KALRN: variants seen among roughly 807,000 people sequenced by gnomAD.
KALRN encodes kalirin.
Under a neutral mutation model 353.7 loss-of-function variants are expected in KALRN, and 70 were observed. The ratio of observed to expected loss-of-function variants is 0.20; its 90% CI spans 0.16 to 0.24. KALRN has a LOEUF of 0.24. KALRN is among the 10% of genes least tolerant of loss of function. The pLI is 1.00. For missense variants in KALRN, 2,791 were observed against 3,756.7 expected, an observed-to-expected ratio of 0.74 and a Z score of 6.72; for synonymous variants, 1,391 against 1,434.8, an observed-to-expected ratio of 0.97 and a Z score of 0.69.
chr3:124,352,110 T>C (rs1252271396), intron 10 of KALRN, among the ~76,000 whole-genome samples: 2 of 152,206 alleles, frequency 1.3e-5, no homozygotes, highest in Non-Finnish European at 2.9e-5. Flanking sequence ...ACTAATGGAC[T>C]CAGTTTGCCT....
intron 5 of KALRN, among the ~76,000 whole-genome samples, chr3:124,286,078 C>CCTTTCTTTCTTTCTTT (rs1553893855): frequency 9.3e-6 from 1 of 107,014 alleles, no homozygotes; most frequent in South Asian, 3.3e-4. Flanking sequence ...TTCTTTCTTT[C>CCTTTCTTTCTTTCTTT]CTTCCTTTCT....
chr3:124,424,160 G>T (rs1393128591), intron 15 of KALRN, among the ~76,000 whole-genome samples: 1 of 152,090 alleles, frequency 6.6e-6, no homozygotes, highest in Non-Finnish European at 1.5e-5. Context: ...GTCCCGGGGG[G>T]GTTCCCAGCA....
intron 27 of KALRN, among the ~76,000 whole-genome samples, chr3:124,480,080 C>A (rs1405191413): frequency 6.6e-6 from 1 of 152,174 alleles, no homozygotes; most frequent in Non-Finnish European, 1.5e-5. Flanking sequence ...CTTGGTTTGA[C>A]TGATGTAGGC....
chr3:124,531,374 CA>C (rs1303332386), intron 33 of KALRN, among the ~76,000 whole-genome samples: 6 of 152,184 alleles, frequency 3.9e-5, no homozygotes, highest in African/African-American at 1.4e-4. Context: ...CTCTACTCAA[CA>C]GATTTGTATA....
chr3:124,156,269 C>T (rs544396738), intron 1 of KALRN, among the ~76,000 whole-genome samples: 2 of 152,328 alleles, frequency 1.3e-5, no homozygotes, highest in South Asian at 2.1e-4. Context: ...CATTGTTCAG[C>T]AAACAAACCT....
In KALRN at chr3:124,678,311, A is replaced by C. The variant is rs1412004657; in HGVS notation, c.7315A>C (p.Lys2439Gln). ...TATTCTGGGCAACAAAGTCTCTGTTAAAGTGAGTAAGGTATTCCGGAGCTG... is the reference window on the plus strand; with the variant it reads ...TATTCTGGGCAACAAAGTCTCTGTTCAAGTGAGTAAGGTATTCCGGAGCTG... The part of the protein sequence containing the change: ...KDILGNKVSV[K>Q]ETNSSEESEC... The change falls in exon 50 of 60, where the codon AAA becomes CAA. Residue 2439 changes from lysine to glutamine, a missense_variant and splice_region_variant. Physicochemically the swap from Lys to Gln is moderately conservative, Grantham distance 53. Coordinates refer to ENST00000682506, the MANE Select transcript of KALRN (RefSeq NM_001388419.1). The C allele has an allele frequency of 6.2e-7, 1 of 1,613,586 alleles. No homozygotes were observed. Among genetic ancestry groups the C allele is most frequent in the African/African-American group, 1.3e-5 (1 of 74,912 alleles).
chr3:124,658,074 G>C (rs1208494266), intron 41 of KALRN, among the ~76,000 whole-genome samples: 6 of 152,158 alleles, frequency 3.9e-5, no homozygotes. Context: ...AGGATCGCTT[G>C]AGCCTGGGAG....
At chr3:124,216,417 G>A (rs576468003) in intron 1 of KALRN, among the ~76,000 whole-genome samples, 5 of 152,180 alleles carry the variant, frequency 3.3e-5, no homozygotes, top group Admixed American at 2.6e-4. Context: ...AGATCCCGTT[G>A]AAAATCTGTT....
At chr3:124,185,615 A>G (rs1411815390) in intron 1 of KALRN, among the ~76,000 whole-genome samples, 1 of 152,108 alleles carries the variant, frequency 6.6e-6, no homozygotes, top group Non-Finnish European at 1.5e-5. Context: ...GTTGCTCCAG[A>G]GTTTGTTCCT....
At chr3:124,663,877 A>G (rs73193775) in intron 45 of KALRN, among the ~76,000 whole-genome samples, 6,183 of 152,210 alleles carry the variant, frequency 0.041, 177 homozygotes, top group East Asian at 0.078. Context: ...CATTGGATTC[A>G]TGACATTCTT....
At chr3:124,462,866 C>A (rs2059982997) in intron 25 of KALRN, among the ~76,000 whole-genome samples, 1 of 152,224 alleles carries the variant, frequency 6.6e-6, no homozygotes, top group Non-Finnish European at 1.5e-5. Flanking sequence ...TCCTCAACAT[C>A]CTCATTTATT....
chr3:124,643,537 A>G (rs1007381880), intron 37 of KALRN, among the ~76,000 whole-genome samples: 3 of 152,216 alleles, frequency 2.0e-5, no homozygotes, highest in South Asian at 2.1e-4. Flanking sequence ...ACTGGAGTGC[A>G]GTGGCTTGAT....
intron 1 of KALRN, among the ~76,000 whole-genome samples, chr3:124,155,774 G>A (rs1277705522): frequency 6.6e-6 from 1 of 152,208 alleles, no homozygotes; most frequent in Non-Finnish European, 1.5e-5. Context: ...ATAAGGGAAA[G>A]GCTTTTCTGG....
intron 36 of KALRN, among the ~76,000 whole-genome samples, chr3:124,634,694 A>C (rs1346468562): frequency 6.6e-6 from 1 of 151,948 alleles, no homozygotes; most frequent in Non-Finnish European, 1.5e-5. Flanking sequence ...CTCTGCTTTC[A>C]CATCACCTTT....
At chr3:124,458,011 C>T (rs2059492048) in intron 23 of KALRN, among the ~76,000 whole-genome samples, 1 of 152,148 alleles carries the variant, frequency 6.6e-6, no homozygotes, top group East Asian at 1.9e-4. Flanking sequence ...TGTGGTGGCT[C>T]ACGTCTGTAA....
intron 53 of KALRN, 59 bp downstream of exon 53, chr3:124,694,562 G>A (rs894071085): frequency 1.3e-6 from 2 of 1,520,564 alleles, no homozygotes; most frequent in African/African-American, 1.4e-5. Context: ...AGCACTGAGA[G>A]GCTGAATCTG....
intron 1 of KALRN, chr3:124,095,743 G>C (rs2061405997): frequency 6.6e-6 from 1 of 152,184 alleles, no homozygotes; most frequent in South Asian, 2.1e-4. Flanking sequence ...CTGTGAACTT[G>C]TTTGGTAATT....
chr3:124,191,153 G>T (rs938748455), intron 1 of KALRN, among the ~76,000 whole-genome samples: 2 of 152,200 alleles, frequency 1.3e-5, no homozygotes, highest in Non-Finnish European at 2.9e-5. Flanking sequence ...TGTCATTTCT[G>T]GGTGTGCCAC....
chr3:124,676,072 GT>G (rs1401202325), intron 49 of KALRN, among the ~76,000 whole-genome samples: 1 of 152,152 alleles, frequency 6.6e-6, no homozygotes, highest in Non-Finnish European at 1.5e-5. Flanking sequence ...AAGCATTGAA[GT>G]TTTTACTAAT....
Sources: gnomAD v4.1 joint callset for allele counts (sites outside exome capture counted in the v4.1 genomes callset) on GRCh38, gnomAD v4.1.1 for gene constraint, MANE v1.5 for transcripts, NCBI Gene and HGNC (gene_info 2026-07-23, HGNC 2026-07-21) for gene names.